The following XPNPEP1 variants were observed in gnomAD, a reference collection of about 807,000 sequenced individuals.
XPNPEP1 encodes the protein xaa-Pro aminopeptidase 1.
A neutral mutation model predicts 92.4 loss-of-function variants in XPNPEP1; 39 were observed. The ratio of observed to expected loss-of-function variants is 0.42; its 90% CI spans 0.33 to 0.55. The LOEUF (loss-of-function observed/expected upper bound fraction) is 0.55, where lower values mean the gene tolerates loss of function less well. XPNPEP1 is among the 20% of genes least tolerant of loss of function. The pLI, the probability that XPNPEP1 is intolerant of heterozygous loss-of-function variation, is 0.08. For synonymous variants in XPNPEP1, 307 were observed against 299.4 expected (o/e 1.03, Z -0.26); for missense variants, 654 against 856.1 (o/e 0.76, Z 2.95).
In XPNPEP1 at chr10:109,873,520, T is replaced by C. The variant is rs193026298; in HGVS notation, c.1392-93A>G. 1.1e-4 allele frequency: 162 copies of C among 1,478,168 alleles called. No individual in the cohort carries two copies. The African/African-American group carries it at 1.9e-3, about 17-fold the overall frequency. 91.6% of individuals were successfully genotyped at this position (1,478,168 alleles called of 1,614,324 possible). ...GCATGTGGACAAGTGAGAAGCCCCA[T>C]ACAATGCTGGTGGGCATGTAAAATA... On this transcript the variant is annotated intron_variant, in intron 15 of 20. Coordinates refer to ENST00000502935, the MANE Select transcript of XPNPEP1 (RefSeq NM_020383.4).
At chr10:109,888,684 T>G in intron 5 of XPNPEP1, 89 bp from the exon 6 acceptor site, 17 of 997,568 alleles carry the variant, frequency 1.7e-5, no homozygotes, top group African/African-American at 3.3e-5. Flanking sequence ...AACATCATGA[T>G]AGCAGGGTCT....
chr10:109,882,557 T>C lies in XPNPEP1; in HGVS notation c.916A>G (p.Ile306Val), dbSNP rs1448860321. The change falls in exon 10 of 21, where the codon ATC (isoleucine) becomes GTC (valine). Residue 306 changes from isoleucine (I) to valine (V), a missense_variant. Physicochemically the swap from Ile to Val is conservative, Grantham distance 29. Coordinates refer to ENST00000502935, the MANE Select transcript of XPNPEP1 (RefSeq NM_020383.4). ...LDLGLEAEYR[I>V]QVHPYKSILS... ...ATGGACTTGTAGGGATGCACCTGGA[T>C]CCTGTATTCGGCTTCCAGACCCAAG... is the stretch of plus-strand genomic sequence containing the variant. 3.1e-6 allele frequency: 5 copies of C among 1,614,174 alleles called. No homozygotes were observed. The highest frequency in any genetic ancestry group is 4.2e-6 in the Non-Finnish European group (5 of 1,180,014).
At chr10:109,888,361 C>CT in intron 6 of XPNPEP1, 142 bp downstream of exon 6, 3 of 1,228,808 alleles carry the variant, frequency 2.4e-6, no homozygotes, top group Non-Finnish European at 3.3e-6. Context: ...CAGTGGAACT[C>CT]TTCTCTTCAC....
At chr10:109,907,514 A>AGCTAGG (rs1849617270) in intron 3 of XPNPEP1, among the ~76,000 whole-genome samples, 177 bp downstream of exon 3, 2 of 152,228 alleles carry the variant, frequency 1.3e-5, no homozygotes, top group African/African-American at 4.8e-5. Context: ...GAATCAAGGA[A>AGCTAGG]GCTAGGGCCA....
chr10:109,877,882 CAGAA>C lies in XPNPEP1; in HGVS notation c.1242-19_1242-16del. ...CTGCCTGTTGCCTGTAACAGAAAGA[CAGAA>C]AGCAGAGTGGCTTAAAGGTTTTTAC... On this transcript the variant is annotated splice_polypyrimidine_tract_variant and intron_variant, in intron 13 of 20. Coordinates refer to ENST00000502935, the MANE Select transcript of XPNPEP1 (RefSeq NM_020383.4). 6.2e-7 allele frequency: 1 copy of C among 1,614,252 alleles called. No homozygotes were observed. Among genetic ancestry groups the C allele is most frequent in the Non-Finnish European group, 8.5e-7 (1 of 1,180,050 alleles).
chr10:109,923,116 C>T (rs1051179760), intron 1 of XPNPEP1: 1 of 969,396 alleles, frequency 1.0e-6, no homozygotes, highest in East Asian at 1.1e-4. Flanking sequence ...ACGGCCGCCG[C>T]CCCCTCAGGC....
chr10:109,870,141 G>A lies in XPNPEP1; in HGVS notation c.1697-112C>T, dbSNP rs1847374394. The stretch of plus-strand genomic sequence containing the variant: ...CTACTCCAAAGGAGAAGAAACGGGT[G>A]AAGAGCCCACTCTATCTGGTGTAAG... On this transcript the variant is annotated intron_variant, in intron 18 of 20. Coordinates refer to ENST00000502935, the MANE Select transcript of XPNPEP1 (RefSeq NM_020383.4). 3.4e-6 allele frequency: 4 copies of A among 1,174,850 alleles called. No homozygotes were observed. The Middle Eastern group carries it at 6.1e-4, about 180-fold the overall frequency. The allele number at this position is 1,174,850 out of a possible 1,614,324, so 72.8% of individuals were successfully genotyped here.
At chr10:109,922,219 C>A (rs1850580287) in intron 1 of XPNPEP1, among the ~76,000 whole-genome samples, 2 of 152,202 alleles carry the variant, frequency 1.3e-5, no homozygotes, top group Admixed American at 6.5e-5. Context: ...CTCAGCCTTT[C>A]ACTGGACTTT....
chr10:109,880,135 A>G, intron 12 of XPNPEP1, 53 bp downstream of exon 12: 2 of 1,551,984 alleles, frequency 1.3e-6, no homozygotes, highest in Non-Finnish European at 8.9e-7. Context: ...AATCACATAT[A>G]GGTAGGTCTG....
intron 3 of XPNPEP1, among the ~76,000 whole-genome samples, chr10:109,903,158 T>G (rs1157634639): frequency 6.6e-6 from 1 of 152,108 alleles, no homozygotes; most frequent in Non-Finnish European, 1.5e-5. Context: ...ATATCCTAAC[T>G]CCAGGCAAAA....
chr10:109,875,634 AATG>A, intron 14 of XPNPEP1, 35 bp from the exon 15 acceptor site: 1 of 1,589,166 alleles, frequency 6.3e-7, no homozygotes. Flanking sequence ...TTATTCCACA[AATG>A]TAAACACTTA....
intron 3 of XPNPEP1, among the ~76,000 whole-genome samples, chr10:109,907,465 T>G (rs894755699): frequency 2.6e-5 from 4 of 152,210 alleles, no homozygotes; most frequent in East Asian, 1.9e-4. Flanking sequence ...TCCCTTAATT[T>G]GCCCACTAAT....
chr10:109,912,482 G>C (rs1156379975), intron 2 of XPNPEP1, among the ~76,000 whole-genome samples: 5 of 152,204 alleles, frequency 3.3e-5, no homozygotes, highest in Non-Finnish European at 7.3e-5. Flanking sequence ...AAGGAAAACA[G>C]GTGATGGAAA....
intron 3 of XPNPEP1, among the ~76,000 whole-genome samples, chr10:109,901,911 C>T (rs1201038627): frequency 2.0e-5 from 3 of 152,110 alleles, no homozygotes; most frequent in African/African-American, 7.2e-5. Flanking sequence ...TGTAAAGTAT[C>T]TTCTTAATAA....
chr10:109,912,703 C>T (rs1849944918), intron 2 of XPNPEP1, among the ~76,000 whole-genome samples: 1 of 152,176 alleles, frequency 6.6e-6, no homozygotes, highest in Non-Finnish European at 1.5e-5. Context: ...TAACAAATGT[C>T]ATGTAAATGT....
chr10:109,899,349 C>G (rs966807724), intron 3 of XPNPEP1, among the ~76,000 whole-genome samples: 2 of 152,140 alleles, frequency 1.3e-5, no homozygotes, highest in Non-Finnish European at 2.9e-5. Flanking sequence ...TGTGCCCTGT[C>G]CATACTCTGT....
At chr10:109,871,165 G>A (rs1277492671) in intron 17 of XPNPEP1, 9 of 344,146 alleles carry the variant, frequency 2.6e-5, no homozygotes, top group Non-Finnish European at 3.2e-5. Flanking sequence ...GGCCGTATCA[G>A]ACATGGACGT....
At chr10:109,904,173 C>A (rs1349110672) in intron 3 of XPNPEP1, among the ~76,000 whole-genome samples, 3 of 150,384 alleles carry the variant, frequency 2.0e-5, no homozygotes, top group Non-Finnish European at 4.4e-5. Flanking sequence ...TTTGTCTATT[C>A]TAATGAACAC....
chr10:109,887,135 C>G (rs1848434841), intron 7 of XPNPEP1, among the ~76,000 whole-genome samples: 1 of 112,974 alleles, frequency 8.9e-6, no homozygotes, highest in East Asian at 2.5e-4. Context: ...AGTAGGCACC[C>G]AAATGTGTAC....
Sources: allele counts gnomAD v4.1 joint callset (sites outside exome capture counted in the v4.1 genomes callset), GRCh38; gene constraint gnomAD v4.1.1; transcripts MANE v1.5; gene names NCBI Gene and HGNC (gene_info 2026-07-23, HGNC 2026-07-21).